CSMD3: variants seen among roughly 807,000 people sequenced by gnomAD.
CSMD3 encodes the protein CUB and Sushi multiple domains 3.
A neutral mutation model predicts 435.2 loss-of-function variants in CSMD3; 177 were observed. That is an observed-to-expected ratio of 0.41 (90% CI 0.36 to 0.46). The LOEUF is 0.46. Ranked by LOEUF, CSMD3 falls within the 20% of genes least tolerant of loss-of-function variation. The pLI is 0.34. For synonymous variants in CSMD3, 1,656 were observed against 1,520.5 expected (o/e 1.09, Z -2.07); for missense variants, 4,265 against 4,504.6 (o/e 0.95, Z 1.52).
chr8:112,726,746 G>A (rs1436855654), intron 13 of CSMD3, among the ~76,000 whole-genome samples: 1 of 151,620 alleles, frequency 6.6e-6, no homozygotes, highest in Non-Finnish European at 1.5e-5. Flanking sequence ...ACAACGTAAT[G>A]AAAGATAATC....
At chr8:112,247,417 C>A (rs748982279) in intron 63 of CSMD3, among the ~76,000 whole-genome samples, 1 of 151,508 alleles carries the variant, frequency 6.6e-6, no homozygotes. Context: ...ATTTAAGACA[C>A]CAAAAAATCC....
intron 31 of CSMD3, among the ~76,000 whole-genome samples, chr8:112,476,575 A>G (rs1411829252): frequency 6.6e-6 from 1 of 152,180 alleles, no homozygotes; most frequent in African/African-American, 2.4e-5. Flanking sequence ...GGCCAAAGTG[A>G]TGATTCTAAA....
intron 32 of CSMD3, among the ~76,000 whole-genome samples, chr8:112,449,290 T>TAAAAC (rs767243663): frequency 1.3e-5 from 2 of 152,280 alleles, no homozygotes; most frequent in Non-Finnish European, 2.9e-5. Context: ...TTTTTGTGTT[T>TAAAAC]AAAACAAAAC....
At chr8:112,759,647 G>GT (rs1325597642) in intron 13 of CSMD3, among the ~76,000 whole-genome samples, 1 of 152,074 alleles carries the variant, frequency 6.6e-6, no homozygotes, top group Non-Finnish European at 1.5e-5. Flanking sequence ...TACCCATTCT[G>GT]TATTTGATTA....
chr8:113,131,149 C>A (rs2091274051), intron 4 of CSMD3, among the ~76,000 whole-genome samples: 1 of 152,006 alleles, frequency 6.6e-6, no homozygotes, highest in Admixed American at 6.6e-5. Flanking sequence ...GCCAACTGAC[C>A]ATGTGGTAGA....
intron 5 of CSMD3, among the ~76,000 whole-genome samples, chr8:113,057,518 T>G (rs2131350774): frequency 6.6e-6 from 1 of 152,138 alleles, no homozygotes; most frequent in Non-Finnish European, 1.5e-5. Flanking sequence ...GAACATAAAT[T>G]TAGAACAACT....
At chr8:112,409,246 A>G (rs894315578) in intron 32 of CSMD3, among the ~76,000 whole-genome samples, 6 of 152,106 alleles carry the variant, frequency 3.9e-5, no homozygotes, top group Admixed American at 3.9e-4. Context: ...ACCTAAAGCA[A>G]TAAAATATTA....
rs546832406 is a variant in CSMD3, at chr8:112,864,037, T to TA, written c.1634-4772dup. Among the ~76,000 whole-genome samples, 72 of 151,790 alleles carry TA rather than the reference T, an allele frequency of 4.7e-4. 1 individual carries two copies. In the South Asian group the frequency reaches 7.1e-3, roughly 15 times the overall value. On this transcript the variant is annotated intron_variant, in intron 10 of 70. Transcript: ENST00000297405. The stretch of plus-strand genomic sequence containing the variant: ...AGAGGTTCCAGGCAGGGCAAAAAAA[T>TA]AAAAAAAATTTGAAGAGTTACATAA...
chr8:112,738,170 T>C (rs1053471293), intron 13 of CSMD3, among the ~76,000 whole-genome samples: 11 of 151,778 alleles, frequency 7.2e-5, no homozygotes, highest in African/African-American at 2.7e-4. Flanking sequence ...TATGCTTATA[T>C]GGCATTCTGA....
chr8:112,828,363 T>C (rs1056353907), intron 12 of CSMD3, among the ~76,000 whole-genome samples: 2 of 152,262 alleles, frequency 1.3e-5, no homozygotes, highest in South Asian at 4.1e-4. Context: ...GGGAGGTGAA[T>C]GCATCACAGG....
At chr8:112,376,057 C>T (rs550882983) in intron 38 of CSMD3, among the ~76,000 whole-genome samples, 139 of 152,278 alleles carry the variant, frequency 9.1e-4, no homozygotes, top group African/African-American at 3.2e-3. Context: ...AACTGTAAAA[C>T]TCCTACTTAT....
rs781491893 is a variant in CSMD3 at position 112,636,876 on chromosome 8, T to G, written c.3656A>C (p.Glu1219Ala). ...TCGGCCACCACCAAGACAGATGATC[T>G]CTGATGTTCCTTCCAGTCGATAACC... ...SSGYRLEGTS[E>A]IICLGGGRRV... Residue 1219 changes from glutamate (E) to alanine (A), a missense_variant, in exon 22 of 71, where the codon GAG (glutamate) becomes GCG (alanine). Transcript: ENST00000297405. 2 of 1,613,302 alleles carry G rather than the reference T, an allele frequency of 1.2e-6. No individual in the cohort carries two copies. The highest frequency in any genetic ancestry group is 1.7e-6 in the Non-Finnish European group (2 of 1,179,736).
intron 17 of CSMD3, 151 bp from the exon 18 acceptor site, chr8:112,656,492 A>T: frequency 1.8e-6 from 1 of 563,034 alleles, no homozygotes; most frequent in Non-Finnish European, 3.1e-6. Context: ...GATATCATTT[A>T]AGACACCATC....
At chr8:112,627,293 G>C (rs540713130) in intron 22 of CSMD3, among the ~76,000 whole-genome samples, 95 of 152,036 alleles carry the variant, frequency 6.2e-4, no homozygotes, top group Non-Finnish European at 1.1e-3. Context: ...CATAGCCAAA[G>C]AAAAAGTATG....
At chr8:112,819,984 C>A (rs1478775835) in intron 12 of CSMD3, among the ~76,000 whole-genome samples, 1 of 152,078 alleles carries the variant, frequency 6.6e-6, no homozygotes, top group Admixed American at 6.6e-5. Flanking sequence ...TTTATGCTGT[C>A]TAGCTAATTT....
chr8:113,242,458 T>A (rs1445265456), intron 3 of CSMD3, among the ~76,000 whole-genome samples: 1 of 151,976 alleles, frequency 6.6e-6, no homozygotes, highest in Non-Finnish European at 1.5e-5. Flanking sequence ...AAAATTGTTG[T>A]GGGCAGTGGC....
Position 113,170,128 on chromosome 8 carries a change from T to A in CSMD3, c.709+3594A>T, listed in dbSNP as rs74799041. ...CGTAAACTCCAGGGAAAGCAATGAG[T>A]AGATCATTACAGAGTCATCAGCCCC... On this transcript the variant is annotated intron_variant, in intron 4 of 70. Transcript: ENST00000297405. Among the ~76,000 whole-genome samples, 594 of 152,168 alleles carry A rather than the reference T, an allele frequency of 3.9e-3. 2 individuals carry two copies. Among genetic ancestry groups the A allele is most frequent in the African/African-American group, 0.014 (564 of 41,490 alleles).
chr8:113,275,979 G>T (rs889604683), intron 3 of CSMD3, among the ~76,000 whole-genome samples: 2 of 152,044 alleles, frequency 1.3e-5, no homozygotes, highest in Admixed American at 1.3e-4. Context: ...GGATCCAAAT[G>T]CAGGGGAGTG....
At chr8:113,239,916 T>C (rs1445204846) in intron 3 of CSMD3, among the ~76,000 whole-genome samples, 2 of 152,118 alleles carry the variant, frequency 1.3e-5, no homozygotes, top group Admixed American at 6.6e-5. Flanking sequence ...TAAATGTGTG[T>C]CATGGGGGTT....
Sources: allele counts gnomAD v4.1 joint callset (sites outside exome capture counted in the v4.1 genomes callset), GRCh38; gene constraint gnomAD v4.1.1; transcripts MANE v1.5; gene names NCBI Gene and HGNC (gene_info 2026-07-23, HGNC 2026-07-21).